The following PLCH2 variants were observed in gnomAD, a reference collection of about 807,000 sequenced individuals.
The protein encoded by PLCH2 is 1-phosphatidylinositol 4,5-bisphosphate phosphodiesterase eta-2.
In PLCH2, 98 loss-of-function variants were observed where a neutral mutation model predicts 134.7. The ratio of observed to expected loss-of-function variants is 0.73; its 90% CI spans 0.62 to 0.86. The LOEUF is 0.86. Ranked by LOEUF, PLCH2 falls within the 40% of genes least tolerant of loss-of-function variation. The probability of loss-of-function intolerance (pLI) is 0.00; values close to 1 mark genes in which losing one functional copy is unlikely to be tolerated. For synonymous variants in PLCH2, 974 were observed against 827.5 expected, an observed-to-expected ratio of 1.18 and a Z score of -3.04; for missense variants, 1,994 against 1,986.6, an observed-to-expected ratio of 1.00 and a Z score of -0.07.
At chr1:2,432,544 GA>G (rs1229732443) in intron 2 of PLCH2, among the ~76,000 whole-genome samples, 1 of 152,204 alleles carries the variant, frequency 6.6e-6, no homozygotes, top group Non-Finnish European at 1.5e-5. Context: ...GAATGCAAAT[GA>G]CTGCTGGGCA....
intron 2 of PLCH2, among the ~76,000 whole-genome samples, chr1:2,436,635 G>A (rs1193558127): frequency 5.9e-5 from 9 of 151,836 alleles, no homozygotes; most frequent in Admixed American, 3.9e-4. Context: ...GGGCTTAGCC[G>A]TCACCTGTGG....
At chr1:2,473,812 C>A (rs930655488), upstream of PLCH2, among the ~76,000 whole-genome samples, 4 of 152,236 alleles carry the variant, frequency 2.6e-5, no homozygotes, top group African/African-American at 7.2e-5. Flanking sequence ...CCTCCTCTCC[C>A]CGACGGAGCC....
intron 2 of PLCH2, among the ~76,000 whole-genome samples, chr1:2,432,986 C>T (rs1027200260): frequency 3.3e-5 from 5 of 152,218 alleles, no homozygotes; most frequent in Non-Finnish European, 7.3e-5. Flanking sequence ...CCACCAGTGC[C>T]CATGGCTGAG....
intron 1 of PLCH2, among the ~76,000 whole-genome samples, chr1:2,427,557 C>T (rs1638858201): frequency 6.6e-6 from 1 of 152,196 alleles, no homozygotes; most frequent in Non-Finnish European, 1.5e-5. Context: ...CTTCTACCTG[C>T]CCTCAGGGGG....
At chr1:2,489,075 A>G in intron 8 of PLCH2, 132 bp from the exon 9 acceptor site, 1 of 795,204 alleles carries the variant, frequency 1.3e-6, no homozygotes, top group South Asian at 1.7e-5. Context: ...TGGTAATCCC[A>G]GCTATCCTGG....
chr1:2,430,982 C>T (rs935570093), intron 2 of PLCH2, among the ~76,000 whole-genome samples: 3 of 152,176 alleles, frequency 2.0e-5, no homozygotes, highest in East Asian at 1.9e-4. Flanking sequence ...CCTTCTTGGT[C>T]GTGTTGTCAC....
Position 2,487,586 on chromosome 1 carries a change from G to A in PLCH2, c.1115-12G>A, listed in dbSNP as rs760009641. On this transcript the variant is annotated splice_polypyrimidine_tract_variant and intron_variant, in intron 7 of 21. Transcript: ENST00000378486. ...AGGCCCCTGGGGCTGACCAAGGCCT[G>A]CCCGCCTGCAGTGGACTGCTGGGAT... is the stretch of plus-strand genomic sequence containing the variant. 1 of 1,609,170 alleles carries A rather than the reference G, an allele frequency of 6.2e-7. No homozygotes were observed. Among genetic ancestry groups the A allele is most frequent in the African/African-American group, 1.3e-5 (1 of 74,886 alleles).
In PLCH2 at chr1:2,502,252, C is replaced by T; in HGVS notation, c.2802C>T (p.Thr934=). 1 of 1,541,790 alleles carries T rather than the reference C, an allele frequency of 6.5e-7. No individual in the cohort carries two copies. The highest frequency in any genetic ancestry group is 8.7e-7 in the Non-Finnish European group (1 of 1,144,888). The change falls in exon 21 of 22, where the codon ACC becomes ACT. Residue 934 remains threonine, a synonymous_variant. Coordinates refer to ENST00000378486, the MANE Select transcript of PLCH2 (RefSeq NM_014638.4). ...RILRRTASAP[T]KSQKPGRRGF... is the part of the protein sequence containing the mutation. ...TGCGGCGCACGGCCAGCGCCCCGACCAAGAGCCAGAAGCCGGGCCGCAGGG... is the reference window on the plus strand; with the variant it reads ...TGCGGCGCACGGCCAGCGCCCCGACTAAGAGCCAGAAGCCGGGCCGCAGGG...
upstream of PLCH2, among the ~76,000 whole-genome samples, chr1:2,422,056 A>C (rs1318999547): frequency 6.6e-6 from 1 of 152,108 alleles, no homozygotes; most frequent in Non-Finnish European, 1.5e-5. Context: ...GGATCACCTG[A>C]GGCCAGGAGT....
At chr1:2,472,227 G>A (rs1352314025), upstream of PLCH2, among the ~76,000 whole-genome samples, 2 of 152,170 alleles carry the variant, frequency 1.3e-5, no homozygotes, top group African/African-American at 4.8e-5. Context: ...TCTCTCAGAC[G>A]TTTAAATAAT....
intron 10 of PLCH2, 78 bp downstream of exon 10, chr1:2,489,945 G>T: frequency 9.0e-7 from 1 of 1,111,106 alleles, no homozygotes; most frequent in East Asian, 2.4e-5. Flanking sequence ...TGCTGTTGGG[G>T]CGAGTTAGAA....
At chr1:2,451,336 G>A (rs775562859) in intron 2 of PLCH2, among the ~76,000 whole-genome samples, 5 of 152,342 alleles carry the variant, frequency 3.3e-5, no homozygotes, top group South Asian at 4.1e-4. Flanking sequence ...ACGCAGTAGC[G>A]TCTCCGAGGG....
chr1:2,477,924 AG>A (rs1432770746), intron 1 of PLCH2, among the ~76,000 whole-genome samples: 1 of 152,176 alleles, frequency 6.6e-6, no homozygotes, highest in African/African-American at 2.4e-5. Context: ...ACCTGTGGCC[AG>A]GGGCGGGGGC....
chr1:2,502,362 C>T lies in PLCH2; in HGVS notation c.2912C>T (p.Ala971Val). Residue 971 changes from alanine to valine, a missense_variant, in exon 21 of 22, where the codon GCT (alanine) becomes GTT (valine). Around this residue, in one of 2 missense-constraint regions of PLCH2, gnomAD observed 900 missense variants for 752.3 expected, o/e 1.20. Transcript: ENST00000378486. ...GTGGTGCCCCCCGGGCCCGGACCTG[C>T]TCCGGAAGCCCCAGCCCAGGAGGGG... ...DDVVPPGPGP[A>V]PEAPAQEGPG... The T allele has an allele frequency of 6.5e-7, 1 of 1,541,264 alleles. No homozygotes were observed. The highest frequency in any genetic ancestry group is 1.2e-5 in the South Asian group (1 of 83,336).
intron 2 of PLCH2, among the ~76,000 whole-genome samples, chr1:2,452,445 C>T (rs1640289870): frequency 6.6e-6 from 1 of 152,146 alleles, no homozygotes; most frequent in African/African-American, 2.4e-5. Flanking sequence ...TGCTCTCCCT[C>T]CTGCCCTGGC....
chr1:2,478,011 A>G (rs952135708), intron 1 of PLCH2, among the ~76,000 whole-genome samples: 1 of 152,208 alleles, frequency 6.6e-6, no homozygotes, highest in Non-Finnish European at 1.5e-5. Context: ...GGCCCCAGAC[A>G]GCCAGCCCAG....
chr1:2,432,178 C>T (rs896133424), intron 2 of PLCH2, among the ~76,000 whole-genome samples: 10 of 152,358 alleles, frequency 6.6e-5, no homozygotes, highest in African/African-American at 2.2e-4. Flanking sequence ...GCGGTGAGGA[C>T]CCCACAATGC....
chr1:2,445,153 A>AG (rs1639882880), intron 2 of PLCH2, among the ~76,000 whole-genome samples: 1 of 152,044 alleles, frequency 6.6e-6, no homozygotes, highest in African/African-American at 2.4e-5. Context: ...GCACTGCCCT[A>AG]GGGGAGGGTC....
chr1:2,501,071 G>C (rs183039816), intron 20 of PLCH2: 9 of 151,944 alleles, frequency 5.9e-5, no homozygotes, highest in Non-Finnish European at 1.0e-4. Context: ...CCAGAATCCC[G>C]GATCTGCTTC....
Sources: gnomAD v4.1 joint callset for allele counts (sites outside exome capture counted in the v4.1 genomes callset) on GRCh38, gnomAD v4.1.1 for gene constraint, gnomAD v4.1.1 regional missense constraint, MANE v1.5 for transcripts, NCBI Gene and HGNC (gene_info 2026-07-23, HGNC 2026-07-21) for gene names.